ASTE1: variants seen among roughly 807,000 people sequenced by gnomAD.
ASTE1 encodes the protein asteroid structure-specific endonuclease 1.
A neutral mutation model predicts 45.8 loss-of-function variants in ASTE1; 49 were observed. The ratio of observed to expected loss-of-function variants is 1.07; its 90% confidence interval spans 0.85 to 1.36. ASTE1 has a LOEUF of 1.36. Among genes scored for constraint, ASTE1 ranks in the 40% most tolerant of loss-of-function variants. The probability of loss-of-function intolerance (pLI) is 0.00; values close to 1 mark genes in which losing one functional copy is unlikely to be tolerated. For missense variants in ASTE1, 709 were observed against 804.0 expected (o/e 0.88, Z 1.43); for synonymous variants, 296 against 303.9 (o/e 0.97, Z 0.27).
intron 4 of ASTE1, chr3:131,017,024 C>T (rs1331917856): frequency 7.8e-7 from 1 of 1,289,440 alleles, no homozygotes; most frequent in Admixed American, 2.3e-5. Flanking sequence ...GACACTGAGC[C>T]TGCCTGGGTA....
In ASTE1 at chr3:131,024,618, G is replaced by T. The variant is rs1202767786; in HGVS notation, c.689C>A (p.Pro230His). 6.2e-7 allele frequency: 1 copy of T among 1,606,644 alleles called. No individual in the cohort carries two copies. The highest frequency in any genetic ancestry group is 1.7e-5 in the Admixed American group (1 of 59,342). ...VLCGNDHVNL[P>H]IMETFLSKAR... ...TTTACTTAAGAATGTCTCCATGATGGGTAGATTAACATGGTCATTTCCACA... is the reference window on the plus strand; with the variant it reads ...TTTACTTAAGAATGTCTCCATGATGTGTAGATTAACATGGTCATTTCCACA... The change falls in exon 3 of 6, where the codon CCC (proline) becomes CAC (histidine). Residue 230 changes from proline (P) to histidine (H), a missense_variant. By Grantham distance (77) the Pro-to-His change is moderately conservative. Coordinates refer to ENST00000264992, the MANE Select transcript of ASTE1 (RefSeq NM_014065.4).
Position 131,025,491 on chromosome 3 carries a change from G to A in ASTE1, c.-43C>T. On this transcript the variant is annotated 5_prime_UTR_variant, in exon 2 of 6. Coordinates refer to ENST00000264992, the MANE Select transcript of ASTE1 (RefSeq NM_014065.4). ...ATTCTTACCTAGATCCTCAAGCAAT[G>A]TTAGCTGTGCTTTTTCATTCTCCTT... 1.0e-6 allele frequency: 1 copy of A among 981,828 alleles called. No homozygotes were observed. Among genetic ancestry groups the A allele is most frequent in the Non-Finnish European group, 1.4e-6 (1 of 711,878 alleles). The allele number at this position is 981,828 out of a possible 1,614,324, so 60.8% of individuals were successfully genotyped here.
At chr3:131,017,353 G>A (rs2063665918) in intron 4 of ASTE1, among the ~76,000 whole-genome samples, 1 of 152,162 alleles carries the variant, frequency 6.6e-6, no homozygotes. Context: ...AGAGTAGCAC[G>A]ATCTAATAGA....
chr3:131,016,780 T>C, intron 4 of ASTE1: 1 of 348,274 alleles, frequency 2.9e-6, no homozygotes, highest in Non-Finnish European at 5.5e-6. Flanking sequence ...TTGACCTCTG[T>C]GTTTTATAGG....
At chr3:131,022,489 T>A (rs1049477343) in intron 3 of ASTE1, among the ~76,000 whole-genome samples, 17 of 132,878 alleles carry the variant, frequency 1.3e-4, no homozygotes, top group African/African-American at 2.7e-4. Flanking sequence ...GGCAAAAAAT[T>A]TTTTTTTTTT....
At chr3:131,025,753 C>T (rs961337352) in intron 1 of ASTE1, among the ~76,000 whole-genome samples, 159 bp from the exon 2 acceptor site, 1 of 152,054 alleles carries the variant, frequency 6.6e-6, no homozygotes, top group South Asian at 2.1e-4. Flanking sequence ...ATATCATATT[C>T]ATCTCATAAT....
intron 3 of ASTE1, among the ~76,000 whole-genome samples, chr3:131,022,628 A>G (rs1179498191): frequency 6.6e-6 from 1 of 151,868 alleles, no homozygotes; most frequent in Non-Finnish European, 1.5e-5. Flanking sequence ...TTGGTTTAGT[A>G]TATTTATAAA....
At chr3:131,022,957 C>A (rs2063763272) in intron 3 of ASTE1, among the ~76,000 whole-genome samples, 1 of 152,138 alleles carries the variant, frequency 6.6e-6, no homozygotes, top group Non-Finnish European at 1.5e-5. Flanking sequence ...TTAGCAGCAT[C>A]TTTGGCCTCT....
Position 131,024,628 on chromosome 3 carries a change from C to T in ASTE1, c.679G>A (p.Val227Ile), listed in dbSNP as rs1426065466. The T allele has an allele frequency of 5.0e-6, 8 of 1,603,264 alleles. No individual in the cohort carries two copies. In the South Asian group the frequency reaches 7.8e-5, roughly 16 times the overall value. ...LFAVLCGNDHVNLPIMETFLS... is the reference protein window; with the variant it reads ...LFAVLCGNDHINLPIMETFLS... The stretch of plus-strand genomic sequence containing the variant: ...AATGTCTCCATGATGGGTAGATTAA[C>T]ATGGTCATTTCCACATAGCACCGCA... Residue 227 changes from valine to isoleucine, a missense_variant, in exon 3 of 6, where the codon GTT becomes ATT. Physicochemically the swap from Val to Ile is conservative, Grantham distance 29. Coordinates refer to ENST00000264992, the MANE Select transcript of ASTE1 (RefSeq NM_014065.4).
At chr3:131,018,070 G>T (rs1395026362) in intron 4 of ASTE1, among the ~76,000 whole-genome samples, 5 of 148,960 alleles carry the variant, frequency 3.4e-5, no homozygotes, top group Non-Finnish European at 7.4e-5. Context: ...GGAATAAAAA[G>T]ATGTATAAGC....
intron 4 of ASTE1, chr3:131,016,896 G>A (rs1577101453): frequency 1.2e-6 from 1 of 828,598 alleles, no homozygotes; most frequent in South Asian, 1.5e-5. Context: ...GGAATGTTGT[G>A]TGTTTTTAGC....
At chr3:131,017,799 G>A (rs1229521593) in intron 4 of ASTE1, among the ~76,000 whole-genome samples, 6 of 151,446 alleles carry the variant, frequency 4.0e-5, no homozygotes, top group African/African-American at 7.3e-5. Context: ...GTGAAAACCC[G>A]TCTCTACTAA....
At chr3:131,019,022 C>A (rs940047045) in intron 3 of ASTE1, among the ~76,000 whole-genome samples, 2 of 152,162 alleles carry the variant, frequency 1.3e-5, no homozygotes, top group Non-Finnish European at 2.9e-5. Context: ...ATTAAAAATT[C>A]AATCCTTAGG....
At chr3:131,018,398 A>G in intron 4 of ASTE1, 108 bp downstream of exon 4, 1 of 1,108,550 alleles carries the variant, frequency 9.0e-7, no homozygotes, top group Non-Finnish European at 1.3e-6. Context: ...TTGTGATACA[A>G]TTAATGGGAG....
At chr3:131,019,399 C>T (rs1192827497) in intron 3 of ASTE1, among the ~76,000 whole-genome samples, 1 of 152,188 alleles carries the variant, frequency 6.6e-6, no homozygotes, top group East Asian at 1.9e-4. Context: ...GGACTACTTG[C>T]ATTGTGCTTG....
At chr3:131,023,436 C>T (rs1368736346) in intron 3 of ASTE1, among the ~76,000 whole-genome samples, 3 of 152,146 alleles carry the variant, frequency 2.0e-5, no homozygotes, top group South Asian at 4.2e-4. Context: ...GGGTGTTACT[C>T]AGGTTTAAGC....
chr3:131,014,492 C>G, intron 5 of ASTE1, 105 bp from the exon 6 acceptor site: 1 of 1,063,914 alleles, frequency 9.4e-7, no homozygotes, highest in Non-Finnish European at 1.3e-6. Context: ...AATGAGAGCT[C>G]TTATTGCTCT....
In ASTE1 at chr3:131,025,230, G is replaced by A. The variant is rs201472885; in HGVS notation, c.77C>T (p.Thr26Ile). 2.0e-4 allele frequency: 322 copies of A among 1,614,154 alleles called. No individual in the cohort carries two copies. The highest frequency in any genetic ancestry group is 2.8e-4 in the African/African-American group (21 of 75,046). The change falls in exon 3 of 6, where the codon ACA (threonine) becomes ATA (isoleucine). Residue 26 changes from threonine to isoleucine, a missense_variant. Thr to Ile is a moderately conservative substitution (Grantham distance 89, BLOSUM62 -1). Coordinates refer to ENST00000264992, the MANE Select transcript of ASTE1 (RefSeq NM_014065.4). ...AGCATAACCATCAATGACAATTTTT[G>A]TGTCCCGCAACTTCAAATCAGTGAA... ...EFFTDLKLRD[T>I]KIVIDGYALF...
In ASTE1 at chr3:131,022,206, T is replaced by C. The variant is rs563984203; in HGVS notation, c.1302+1799A>G. On this transcript the variant is annotated intron_variant, in intron 3 of 5. Coordinates refer to ENST00000264992, the MANE Select transcript of ASTE1 (RefSeq NM_014065.4). ...CCTTGCAGGGACCTAGCTATGTTTA[T>C]GGAATTATTATAAGAAAGACTGGAT... Among the ~76,000 whole-genome samples the C allele has an allele frequency of 2.4e-4, 37 of 152,350 alleles. No homozygotes were observed. In the East Asian group the frequency reaches 7.1e-3, roughly 29 times the overall value.
Sources: gnomAD v4.1 joint callset for allele counts (sites outside exome capture counted in the v4.1 genomes callset) on GRCh38, gnomAD v4.1.1 for gene constraint, MANE v1.5 for transcripts, NCBI Gene and HGNC (gene_info 2026-07-23, HGNC 2026-07-21) for gene names.